Variants in ZG16B observed in about 807,000 individuals in gnomAD.
The protein encoded by ZG16B is pancreatic adenocarcinoma up-regulated factor.
Under a neutral mutation model 7.0 loss-of-function variants are expected in ZG16B, and 8 were observed. The ratio of observed to expected loss-of-function variants is 1.15; its 90% CI spans 0.68 to 2.08. The LOEUF (loss-of-function observed/expected upper bound fraction) is 2.08. Among genes scored for constraint, ZG16B ranks in the 30% most tolerant of loss-of-function variants. The pLI, the probability that ZG16B is intolerant of heterozygous loss-of-function variation, is 0.00. For missense variants in ZG16B, 232 were observed against 211.0 expected, an observed-to-expected ratio of 1.10 and a Z score of -0.62; for synonymous variants, 92 against 86.1, an observed-to-expected ratio of 1.07 and a Z score of -0.38.
In ZG16B at chr16:2,830,469, C is replaced by A; in HGVS notation, c.28C>A (p.Leu10Met). 1 of 1,599,978 alleles carries A rather than the reference C, an allele frequency of 6.3e-7. No homozygotes were observed. Among genetic ancestry groups the A allele is most frequent in the Non-Finnish European group, 8.5e-7 (1 of 1,173,568 alleles). Reference protein sequence around the residue: MLLLLTLALLGGPTWAGKMY... With the variant: MLLLLTLALMGGPTWAGKMY... The stretch of plus-strand genomic sequence containing the variant: ...GCTGCTGCTGCTCACGCTTGCCCTC[C>A]TGGGGGGCCCCACCTGGGCAGGGAG... The change falls in exon 2 of 4, where the codon CTG becomes ATG. Residue 10 changes from leucine to methionine, a missense_variant. Coordinates refer to ENST00000382280, the MANE Select transcript of ZG16B (RefSeq NM_145252.3).
chr16:2,831,841 C>A lies in ZG16B; in HGVS notation c.201C>A (p.Ala67=). Residue 67 remains alanine (A), a synonymous_variant, in exon 4 of 4, where the codon GCC becomes GCA. Transcript: ENST00000382280. ...LGDSWDVKLG[A]LGGNTQEVTL... ...ACTCCTGGGACGTGAAACTGGGAGC[C>A]TTAGGTGGGAATACCCAGGAAGTCA... 1 of 1,613,994 alleles carries A rather than the reference C, an allele frequency of 6.2e-7. No homozygotes were observed. The highest frequency in any genetic ancestry group is 1.7e-5 in the Admixed American group (1 of 60,006).
intron 3 of ZG16B, chr16:2,831,013 A>G: frequency 1.9e-6 from 1 of 533,104 alleles, no homozygotes; most frequent in Non-Finnish European, 3.4e-6. Flanking sequence ...CAACTCAACC[A>G]AAAATGGCCC....
Position 2,830,718 on chromosome 16 carries a change from A to G in ZG16B, c.77A>G (p.Lys26Arg), listed in dbSNP as rs1025130164. ...GAGATGTATGGCCCTGGAGGAGGCA[A>G]GTATTTCAGCACCACTGAAGACTAC... ...AGKMYGPGGG[K>R]YFSTTEDYDH... The change falls in exon 3 of 4, where the codon AAG (lysine) becomes AGG (arginine). Residue 26 changes from lysine (K) to arginine (R), a missense_variant. By Grantham distance (26) the Lys-to-Arg change is conservative (BLOSUM62 2). Coordinates refer to ENST00000382280, the MANE Select transcript of ZG16B (RefSeq NM_145252.3). The G allele has an allele frequency of 5.0e-6, 8 of 1,614,074 alleles. No homozygotes were observed. In the Admixed American group the frequency reaches 8.3e-5, roughly 17 times the overall value.
At position 2,832,213 on chromosome 16, in the gene ZG16B, G is replaced by A; in HGVS notation, c.*54G>A. 6.4e-7 allele frequency: 1 copy of A among 1,568,514 alleles called. No homozygotes were observed. The highest frequency in any genetic ancestry group is 8.6e-7 in the Non-Finnish European group (1 of 1,156,204). On this transcript the variant is annotated 3_prime_UTR_variant, in exon 4 of 4. Coordinates refer to ENST00000382280, the MANE Select transcript of ZG16B (RefSeq NM_145252.3). Reference sequence around the variant, plus strand: ...GCCATCTGGGTGGTGGTGGCTGATGGTACTGGAGTAACTGAGTCGGGACGC... The same window carrying A: ...GCCATCTGGGTGGTGGTGGCTGATGATACTGGAGTAACTGAGTCGGGACGC...
Position 2,830,811 on chromosome 16 carries a change from G to A in ZG16B, c.155+15G>A, listed in dbSNP as rs758356872. 6.2e-7 allele frequency: 1 copy of A among 1,613,168 alleles called. No homozygotes were observed. The highest frequency in any genetic ancestry group is 8.5e-7 in the Non-Finnish European group (1 of 1,179,602). On this transcript the variant is annotated intron_variant, in intron 3 of 3. Coordinates refer to ENST00000382280, the MANE Select transcript of ZG16B (RefSeq NM_145252.3). ...CTGGTGAAAAGGTGAGTAGGGCTAT[G>A]GTCATGGGCCCAGCGCCATGTCCCC...
In ZG16B at chr16:2,830,676, G is replaced by T; in HGVS notation, c.53-18G>T. The T allele has an allele frequency of 6.2e-7, 1 of 1,613,974 alleles. No individual in the cohort carries two copies. The highest frequency in any genetic ancestry group is 8.5e-7 in the Non-Finnish European group (1 of 1,179,858). ...CCGCATGGGGATTTTCTTCCCTTTGGGTCTCTCTTTTCTTCAGAGATGTAT... is the reference window on the plus strand; with the variant it reads ...CCGCATGGGGATTTTCTTCCCTTTGTGTCTCTCTTTTCTTCAGAGATGTAT... On this transcript the variant is annotated intron_variant, in intron 2 of 3. Coordinates refer to ENST00000382280, the MANE Select transcript of ZG16B (RefSeq NM_145252.3).
At chr16:2,831,150 G>A (rs12449130) in intron 3 of ZG16B, 18,347 of 232,536 alleles carry the variant, frequency 0.079, 2,561 homozygotes, top group African/African-American at 0.32. Context: ...AGAGGCAGAA[G>A]TCCAGGGCCA....
At chr16:2,830,828 C>A (rs1213944068) in intron 3 of ZG16B, 32 bp downstream of exon 3, 2 of 1,609,012 alleles carry the variant, frequency 1.2e-6, no homozygotes, top group Non-Finnish European at 1.7e-6. Context: ...GGCCCAGCGC[C>A]ATGTCCCCTC....
intron 3 of ZG16B, among the ~76,000 whole-genome samples, chr16:2,831,415 T>C (rs2069255176): frequency 6.6e-6 from 1 of 151,836 alleles, no homozygotes; most frequent in Non-Finnish European, 1.5e-5. Context: ...CTGCTTGGAG[T>C]GACTAAGGCT....
intron 1 of ZG16B, 39 bp downstream of exon 1, chr16:2,830,367 C>T: frequency 1.2e-6 from 2 of 1,608,610 alleles, no homozygotes; most frequent in Non-Finnish European, 1.7e-6. Flanking sequence ...CCGGCAAGGT[C>T]ACACTGGCCC....
Position 2,832,102 on chromosome 16 carries a change from G to C in ZG16B, c.462G>C (p.Pro154=). Residue 154 remains proline, a synonymous_variant, in exon 4 of 4, where the codon CCG becomes CCC. Coordinates refer to ENST00000382280, the MANE Select transcript of ZG16B (RefSeq NM_145252.3). The part of the protein sequence containing the change: ...GFEWNYPLEE[P]TTEPPVNLTY... Reference sequence around the variant, plus strand: ...AATGGAATTATCCACTAGAGGAGCCGACCACTGAGCCACCAGTTAATCTCA... The same window carrying C: ...AATGGAATTATCCACTAGAGGAGCCCACCACTGAGCCACCAGTTAATCTCA... The C allele has an allele frequency of 6.2e-7, 1 of 1,614,030 alleles. No homozygotes were observed. The highest frequency in any genetic ancestry group is 8.5e-7 in the Non-Finnish European group (1 of 1,180,014).
chr16:2,830,853 C>A, intron 3 of ZG16B, 57 bp downstream of exon 3: 2 of 1,591,228 alleles, frequency 1.3e-6, no homozygotes, highest in Admixed American at 1.7e-5. Flanking sequence ...CCCACAGTTT[C>A]AGGAACTCAG....
At chr16:2,831,459 A>T (rs1421160035) in intron 3 of ZG16B, among the ~76,000 whole-genome samples, 1 of 152,154 alleles carries the variant, frequency 6.6e-6, no homozygotes, top group Non-Finnish European at 1.5e-5. Flanking sequence ...GGCAGCTCAT[A>T]TGTGGGCCAC....
chr16:2,830,956 G>A lies in ZG16B; in HGVS notation c.155+160G>A, dbSNP rs551193040. On this transcript the variant is annotated intron_variant, in intron 3 of 3. Transcript: ENST00000382280. ...CCCGCTGATGCTTCCTGGCTGGAGCGGAGACGGTCAGACCGTCCTCCCTAC... is the reference window on the plus strand; with the variant it reads ...CCCGCTGATGCTTCCTGGCTGGAGCAGAGACGGTCAGACCGTCCTCCCTAC... The A allele has an allele frequency of 2.5e-4, 179 of 725,792 alleles. 3 individuals carry two copies. The highest frequency in any genetic ancestry group is 1.4e-3 in the African/African-American group (81 of 56,300). The allele number at this position is 725,792 out of a possible 1,614,324, so 45.0% of individuals were successfully genotyped here.
chr16:2,831,792 C>T lies in ZG16B; in HGVS notation c.156-4C>T, dbSNP rs1162348110. ...GGACGTCCAAAGCTTTGCCTCTCTC[C>T]CAGTGTCCAGGTGAAACTTGGAGAC... On this transcript the variant is annotated splice_polypyrimidine_tract_variant and splice_region_variant and intron_variant, in intron 3 of 3. Transcript: ENST00000382280. 1.2e-6 allele frequency: 2 copies of T among 1,608,278 alleles called. No homozygotes were observed. Among genetic ancestry groups the T allele is most frequent in the Non-Finnish European group, 1.7e-6 (2 of 1,176,590 alleles).
intron 2 of ZG16B, 74 bp from the exon 3 acceptor site, chr16:2,830,620 C>T (rs2069248687): frequency 5.0e-6 from 8 of 1,597,056 alleles, no homozygotes; most frequent in East Asian, 2.2e-5. Flanking sequence ...GGGTGGGGTC[C>T]CCTGTTCTGG....
In ZG16B at chr16:2,830,746, C is replaced by T. The variant is rs780142516; in HGVS notation, c.105C>T (p.Asp35=). The T allele has an allele frequency of 6.2e-7, 1 of 1,614,220 alleles. No individual in the cohort carries two copies. The part of the protein sequence containing the change: ...GKYFSTTEDY[D]HEITGLRVSV... ...ATTTCAGCACCACTGAAGACTACGA[C>T]CATGAAATCACAGGGCTGCGGGTGT... Residue 35 remains aspartate (D), a synonymous_variant, in exon 3 of 4, where the codon GAC becomes GAT. Coordinates refer to ENST00000382280, the MANE Select transcript of ZG16B (RefSeq NM_145252.3).
chr16:2,830,558 G>A (rs887033181), intron 2 of ZG16B, 65 bp downstream of exon 2: 53 of 1,582,222 alleles, frequency 3.3e-5, no homozygotes, highest in South Asian at 1.3e-4. Context: ...GGACTCACCC[G>A]GCCCTTGTCC....
In ZG16B at chr16:2,832,126, C is replaced by G. The variant is rs768721509; in HGVS notation, c.486C>G (p.Leu162=). 6.2e-7 allele frequency: 1 copy of G among 1,613,694 alleles called. No individual in the cohort carries two copies. Among genetic ancestry groups the G allele is most frequent in the East Asian group, 2.2e-5 (1 of 44,882 alleles). The change falls in exon 4 of 4, where the codon CTC becomes CTG. Residue 162 remains leucine, a synonymous_variant. Transcript: ENST00000382280. ...CGACCACTGAGCCACCAGTTAATCT[C>G]ACATACTCAGCAAACTCACCCGTGG... ...EEPTTEPPVN[L]TYSANSPVGR is the part of the protein sequence containing the mutation.
Sources: allele counts gnomAD v4.1 joint callset (sites outside exome capture counted in the v4.1 genomes callset), GRCh38; gene constraint gnomAD v4.1.1; transcripts MANE v1.5; gene names NCBI Gene and HGNC (gene_info 2026-07-23, HGNC 2026-07-21).